MPPED1: variants seen among roughly 807,000 people sequenced by gnomAD.
MPPED1 encodes metallophosphoesterase domain-containing protein 1.
MPPED1 carries 16 observed loss-of-function variants against 36.2 expected under a neutral mutation model. The observed-to-expected ratio is 0.44, with a 90% confidence interval of 0.30 to 0.67. The LOEUF is 0.67. Among genes scored for constraint, MPPED1 ranks in the 30% least tolerant of loss-of-function variants. The pLI is 0.10. For missense variants in MPPED1, 307 were observed against 453.4 expected (o/e 0.68, Z 2.93); for synonymous variants, 199 against 191.3 (o/e 1.04, Z -0.33).
rs577900041 is a variant in MPPED1, at chr22:43,502,324, C to T, written c.749-320C>T. Among the ~76,000 whole-genome samples the T allele has an allele frequency of 2.2e-4, 33 of 152,288 alleles. No homozygotes were observed. The East Asian group carries it at 6.2e-3, about 29-fold the overall frequency. Reference sequence around the variant, plus strand: ...GGCGGATGCCACCCTTGAGGCCACTCGAGCACAGATGGTCTGGGGGGCGCC... The same window carrying T: ...GGCGGATGCCACCCTTGAGGCCACTTGAGCACAGATGGTCTGGGGGGCGCC... On this transcript the variant is annotated intron_variant, in intron 5 of 6. Coordinates refer to ENST00000443721, the MANE Select transcript of MPPED1 (RefSeq NM_001044370.2). This position sits in a 1 kb window ranked among gnomAD's most constrained non-coding sequence, Gnocchi z 5.5.
At chr22:43,433,220 A>G (rs1028175042) in intron 2 of MPPED1, among the ~76,000 whole-genome samples, 1 of 152,068 alleles carries the variant, frequency 6.6e-6, no homozygotes, top group African/African-American at 2.4e-5. Context: ...GGAAGCTTCC[A>G]GAAGACCCCA....
chr22:43,444,502 G>A lies in MPPED1; in HGVS notation c.406+9287G>A, dbSNP rs138095334. Among the ~76,000 whole-genome samples the A allele has an allele frequency of 6.2e-3, 941 of 151,874 alleles. 3 individuals carry two copies. Among genetic ancestry groups the A allele is most frequent in the Non-Finnish European group, 8.8e-3 (601 of 67,962 alleles). ...CTGCCTCAGCCTCCCGAGTAGCTGG[G>A]ATTACAGGAGCCAGCCACCATGCCT... is the stretch of plus-strand genomic sequence containing the variant. On this transcript the variant is annotated intron_variant, in intron 3 of 6. Transcript: ENST00000443721.
intron 3 of MPPED1, among the ~76,000 whole-genome samples, chr22:43,458,847 C>T (rs760944206): frequency 6.6e-6 from 1 of 152,138 alleles, no homozygotes; most frequent in Non-Finnish European, 1.5e-5. Context: ...TTTGTATATC[C>T]CACTGCCTTC....
intron 2 of MPPED1, among the ~76,000 whole-genome samples, chr22:43,431,235 G>A (rs865833588): frequency 6.6e-6 from 1 of 151,628 alleles, no homozygotes; most frequent in African/African-American, 2.4e-5. Context: ...TAGAGACGAC[G>A]TTTCACCATG....
At chr22:43,463,809 T>TTCTTTCTTTCTTTTTTTTTG (rs1931045153) in intron 3 of MPPED1, among the ~76,000 whole-genome samples, 1 of 19,656 alleles carries the variant, frequency 5.1e-5, no homozygotes. Context: ...ATTTTTTCTT[T>TTCTTTCTTTCTTTTTTTTTG]TCTTTCTTTC....
rs149471402 is a variant in MPPED1, at chr22:43,428,844, C to A, written c.224+3635C>A. ...AACCCTATGGGGGTCTCAGGAGGCT[C>A]TTCCAGGCCCAGCCCTTCTGCTCTG... On this transcript the variant is annotated intron_variant, in intron 2 of 6. Transcript: ENST00000443721. Among the ~76,000 whole-genome samples the A allele has an allele frequency of 5.5e-3, 837 of 152,040 alleles. 17 individuals are homozygous for A. The highest frequency in any genetic ancestry group is 0.019 in the African/African-American group (802 of 41,466).
At chr22:43,450,723 C>T in intron 3 of MPPED1, among the ~76,000 whole-genome samples, 1 of 151,416 alleles carries the variant, frequency 6.6e-6, no homozygotes, top group East Asian at 1.9e-4. Context: ...TGATGGTAGA[C>T]TTTTTTTTTC....
chr22:43,424,455 G>A (rs146527539), intron 1 of MPPED1, among the ~76,000 whole-genome samples: 1 of 152,104 alleles, frequency 6.6e-6, no homozygotes, highest in South Asian at 2.1e-4. Flanking sequence ...TGTGTTTGGG[G>A]GTCTGTGGAG....
intron 2 of MPPED1, among the ~76,000 whole-genome samples, chr22:43,430,121 A>C (rs1468493452): frequency 6.6e-6 from 1 of 152,146 alleles, no homozygotes; most frequent in Non-Finnish European, 1.5e-5. Context: ...CTACTAAAGG[A>C]AAGGCTGATG....
Position 43,507,658 on chromosome 22 carries a change from G to A in MPPED1, c.*2042G>A, listed in dbSNP as rs1455953859. ...TTTCCTAAGGTATCTTCAGAATATG[G>A]TGTATTTTTATGTGGAAAAGAAAAG... On this transcript the variant is annotated 3_prime_UTR_variant, in exon 7 of 7. Coordinates refer to ENST00000443721, the MANE Select transcript of MPPED1 (RefSeq NM_001044370.2). The A allele has an allele frequency of 6.6e-6, 1 of 152,114 alleles. No homozygotes were observed. The highest frequency in any genetic ancestry group is 2.4e-5 in the African/African-American group (1 of 41,414). The allele number at this position is 152,114 out of a possible 1,614,324, so 9.4% of individuals were successfully genotyped here. A position where few individuals can be genotyped will look rare whatever the true frequency, so the allele number is the denominator to read the frequency against.
chr22:43,453,019 G>C lies in MPPED1; in HGVS notation c.406+17804G>C, dbSNP rs568134922. Among the ~76,000 whole-genome samples, 311 of 148,814 alleles carry C rather than the reference G, an allele frequency of 2.1e-3. 2 individuals are homozygous for C. Among genetic ancestry groups the C allele is most frequent in the African/African-American group, 7.2e-3 (289 of 40,356 alleles). On this transcript the variant is annotated intron_variant, in intron 3 of 6. Transcript: ENST00000443721. Reference sequence around the variant, plus strand: ...GGCTGGAGTGCAGTGGCTCAATCTCGGCTCACTGCAAGCTCCGCCTCCTGG... The same window carrying C: ...GGCTGGAGTGCAGTGGCTCAATCTCCGCTCACTGCAAGCTCCGCCTCCTGG...
intron 3 of MPPED1, 99 bp downstream of exon 3, chr22:43,435,314 C>T (rs1929919545): frequency 7.4e-7 from 1 of 1,347,752 alleles, no homozygotes; most frequent in Non-Finnish European, 1.0e-6. Context: ...CCTGCGCTGC[C>T]CGGGCCCCCT....
At chr22:43,494,232 G>A (rs908723263) in intron 4 of MPPED1, among the ~76,000 whole-genome samples, 1 of 152,224 alleles carries the variant, frequency 6.6e-6, no homozygotes, top group African/African-American at 2.4e-5. Context: ...TAGAGACAGT[G>A]TCTTACTGTG....
intron 3 of MPPED1, among the ~76,000 whole-genome samples, chr22:43,448,948 C>G (rs147373708): frequency 6.6e-6 from 1 of 152,074 alleles, no homozygotes; most frequent in East Asian, 1.9e-4. Flanking sequence ...ATGGGAACTA[C>G]TCTTGTGTAT....
chr22:43,424,184 C>T (rs778605508), intron 1 of MPPED1, among the ~76,000 whole-genome samples: 1 of 152,146 alleles, frequency 6.6e-6, no homozygotes, highest in Non-Finnish European at 1.5e-5. Flanking sequence ...TTAGGGTTCC[C>T]GAGATCCTTA....
rs1265089806 is a variant in MPPED1 at position 43,423,249 on chromosome 22, C to T, written c.-78-1659C>T. On this transcript the variant is annotated intron_variant, in intron 1 of 6. Transcript: ENST00000443721. ...GGCTTGACCCCCGTCCAGATCTGGG[C>T]GGGCCTGGCTCAGAGTATGCGGCGT... 2.6e-5 allele frequency among the ~76,000 whole-genome samples: 4 copies of T among 152,314 alleles called. No individual in the cohort carries two copies. The East Asian group carries it at 7.7e-4, about 29-fold the overall frequency.
At chr22:43,427,465 G>C (rs954398519) in intron 2 of MPPED1, among the ~76,000 whole-genome samples, 2 of 152,042 alleles carry the variant, frequency 1.3e-5, no homozygotes, top group African/African-American at 4.8e-5. Flanking sequence ...CTGTATGGAG[G>C]CCCAGCTGGG....
At chr22:43,477,513 G>A (rs995309479) in intron 4 of MPPED1, among the ~76,000 whole-genome samples, 8 of 152,208 alleles carry the variant, frequency 5.3e-5, no homozygotes, top group African/African-American at 1.9e-4. Flanking sequence ...CCCCAGCAGA[G>A]AGTGTCTGGG....
At chr22:43,490,071 A>AG (rs1195707462) in intron 4 of MPPED1, among the ~76,000 whole-genome samples, 1 of 152,216 alleles carries the variant, frequency 6.6e-6, no homozygotes, top group Non-Finnish European at 1.5e-5. Flanking sequence ...GTGAGCAGCC[A>AG]GGGGCAGAAC....
Sources: allele counts gnomAD v4.1 joint callset (sites outside exome capture counted in the v4.1 genomes callset), GRCh38; gene constraint gnomAD v4.1.1; non-coding constraint Gnocchi (gnomAD v3.1); transcripts MANE v1.5; gene names NCBI Gene and HGNC (gene_info 2026-07-23, HGNC 2026-07-21).